Variants in HOMER2 observed in about 807,000 individuals in gnomAD.
HOMER2 encodes the protein homer protein homolog 2.
A neutral mutation model predicts 47.0 loss-of-function variants in HOMER2; 27 were observed. That is an observed-to-expected ratio of 0.57 (90% CI 0.42 to 0.79). The LOEUF (loss-of-function observed/expected upper bound fraction) is 0.79. Ranked by LOEUF, HOMER2 falls within the 30% of genes least tolerant of loss-of-function variation. HOMER2 has a pLI of 0.00. For synonymous variants in HOMER2, 161 were observed against 163.8 expected (o/e 0.98, Z 0.13); for missense variants, 443 against 435.0 (o/e 1.02, Z -0.16).
intron 1 of HOMER2, among the ~76,000 whole-genome samples, chr15:82,982,234 G>C (rs2030419394): frequency 6.6e-6 from 1 of 152,102 alleles, no homozygotes; most frequent in African/African-American, 2.4e-5. Flanking sequence ...ATACCAGATA[G>C]GTAAGAGCCA....
At chr15:82,901,383 G>A (rs1288329642) in intron 1 of HOMER2, among the ~76,000 whole-genome samples, 1 of 152,148 alleles carries the variant, frequency 6.6e-6, no homozygotes, top group Non-Finnish European at 1.5e-5. Flanking sequence ...GTGAAGTGAA[G>A]GGGAAGTCTA....
chr15:82,879,191 CCTCT>C lies in HOMER2; in HGVS notation c.163-3791_163-3788del, dbSNP rs1273968156. On this transcript the variant is annotated intron_variant, in intron 2 of 8. Transcript: ENST00000450735. The stretch of plus-strand genomic sequence containing the variant: ...CCTTTCATCTATTTTGTCCATTTTC[CCTCT>C]GTTTCCTTGAATATATTAATCGTAG... Among the ~76,000 whole-genome samples, 8 of 152,206 alleles carry C rather than the reference CCTCT, an allele frequency of 5.3e-5. No individual in the cohort carries two copies. In the South Asian group the frequency reaches 6.2e-4, roughly 12 times the overall value.
At chr15:82,925,429 T>A in intron 1 of HOMER2, among the ~76,000 whole-genome samples, 1 of 152,302 alleles carries the variant, frequency 6.6e-6, no homozygotes, top group South Asian at 2.1e-4. Context: ...CTTCCTCCCA[T>A]GATAGCAGCC....
chr15:82,850,045 C>G (rs1197531402), intron 8 of HOMER2, 142 bp from the exon 9 acceptor site: 3 of 761,354 alleles, frequency 3.9e-6, no homozygotes, highest in Non-Finnish European at 4.2e-6. Context: ...CATGCTACCC[C>G]AGCACACAAG....
At chr15:82,970,399 T>C (rs780653455) in intron 1 of HOMER2, among the ~76,000 whole-genome samples, 4 of 152,206 alleles carry the variant, frequency 2.6e-5, no homozygotes, top group Non-Finnish European at 4.4e-5. Context: ...TTCCAAACAA[T>C]GTAATCTTCC....
intron 2 of HOMER2, among the ~76,000 whole-genome samples, chr15:82,880,314 A>G (rs1417038181): frequency 6.6e-6 from 1 of 152,236 alleles, no homozygotes; most frequent in Non-Finnish European, 1.5e-5. Flanking sequence ...AAGTTTGCCA[A>G]CTTCTGGTTT....
chr15:82,876,957 A>G (rs1467636913), intron 2 of HOMER2, among the ~76,000 whole-genome samples: 3 of 152,220 alleles, frequency 2.0e-5, no homozygotes, highest in Non-Finnish European at 4.4e-5. Flanking sequence ...CTATCAGACT[A>G]TTGAGTTTGC....
intron 6 of HOMER2, 111 bp downstream of exon 6, chr15:82,854,533 G>C (rs1416505710): frequency 8.9e-7 from 1 of 1,123,866 alleles, no homozygotes; most frequent in Non-Finnish European, 1.3e-6. Flanking sequence ...TCTTCCTCTG[G>C]CCATGGGGAT....
chr15:82,894,487 C>A (rs967413065), intron 1 of HOMER2, among the ~76,000 whole-genome samples: 1 of 151,668 alleles, frequency 6.6e-6, no homozygotes, highest in African/African-American at 2.4e-5. Flanking sequence ...CTGGCTAACA[C>A]GGTGAAGCCC....
intron 1 of HOMER2, among the ~76,000 whole-genome samples, chr15:82,951,298 C>T (rs1208326958): frequency 6.6e-6 from 1 of 152,188 alleles, no homozygotes; most frequent in East Asian, 1.9e-4. Flanking sequence ...GGCCCACAGC[C>T]CTCACACTTC....
Position 82,854,819 on chromosome 15 carries a change from CG to C in HOMER2, c.495-20del. On this transcript the variant is annotated intron_variant, in intron 5 of 8. Transcript: ENST00000450735. The stretch of plus-strand genomic sequence containing the variant: ...GGCTGCGCTGCAGGACAGGGACGGG[CG>C]GTGACGACGGGGTGGGTGCTGTCCC... 2 of 1,599,908 alleles carry C rather than the reference CG, an allele frequency of 1.3e-6. No individual in the cohort carries two copies. The highest frequency in any genetic ancestry group is 1.7e-6 in the Non-Finnish European group (2 of 1,176,388).
intron 1 of HOMER2, among the ~76,000 whole-genome samples, chr15:82,903,337 G>A (rs956123293): frequency 6.6e-6 from 1 of 152,190 alleles, no homozygotes; most frequent in Non-Finnish European, 1.5e-5. Flanking sequence ...AAAAGGCTGG[G>A]TGCGGTGGCT....
At chr15:82,980,183 T>G (rs2030345504) in intron 1 of HOMER2, among the ~76,000 whole-genome samples, 1 of 152,142 alleles carries the variant, frequency 6.6e-6, no homozygotes, top group South Asian at 2.1e-4. Flanking sequence ...AGTTATATAT[T>G]ATGATGTTTT....
intron 1 of HOMER2, among the ~76,000 whole-genome samples, chr15:82,970,576 C>T (rs2029951678): frequency 6.6e-6 from 1 of 152,202 alleles, no homozygotes; most frequent in Non-Finnish European, 1.5e-5. Flanking sequence ...CAAGGATGGG[C>T]AGTGGAGACT....
At chr15:82,960,552 CT>C (rs2054621864) in intron 1 of HOMER2, among the ~76,000 whole-genome samples, 1 of 152,168 alleles carries the variant, frequency 6.6e-6, no homozygotes, top group Admixed American at 6.5e-5. Flanking sequence ...TAAATATCAA[CT>C]TTTTAAAAAG....
chr15:82,985,791 G>C (rs1174666656), exon 1 of HOMER2: 2 of 152,288 alleles, frequency 1.3e-5, no homozygotes, highest in South Asian at 2.1e-4. Context: ...TACTACCGAG[G>C]CTTGCCCAGG....
chr15:82,932,871 C>T (rs553318611), intron 1 of HOMER2, among the ~76,000 whole-genome samples: 3 of 152,298 alleles, frequency 2.0e-5, no homozygotes, highest in South Asian at 4.1e-4. Context: ...GTGAGAGGTG[C>T]TCTTAGGCTC....
intron 1 of HOMER2, among the ~76,000 whole-genome samples, chr15:82,924,614 C>T (rs901655321): frequency 6.6e-6 from 1 of 152,162 alleles, no homozygotes; most frequent in East Asian, 1.9e-4. Flanking sequence ...AATGCCTTTC[C>T]ATGGTCATAC....
At chr15:82,895,887 G>T (rs561425490) in intron 1 of HOMER2, among the ~76,000 whole-genome samples, 1 of 152,278 alleles carries the variant, frequency 6.6e-6, no homozygotes, top group African/African-American at 2.4e-5. Flanking sequence ...GGGCCCAAGG[G>T]GCTCCATTTT....
Sources: allele counts gnomAD v4.1 joint callset (sites outside exome capture counted in the v4.1 genomes callset), GRCh38; gene constraint gnomAD v4.1.1; transcripts MANE v1.5; gene names NCBI Gene and HGNC (gene_info 2026-07-23, HGNC 2026-07-21).